TGIF2: variants seen among roughly 807,000 people sequenced by gnomAD.
The protein encoded by TGIF2 is TGFB induced factor homeobox 2.
Under a neutral mutation model 15.1 loss-of-function variants are expected in TGIF2, and 5 were observed. The observed-to-expected ratio is 0.33, with a 90% CI of 0.17 to 0.70. TGIF2 has a LOEUF of 0.70. Among genes scored for constraint, TGIF2 ranks in the 30% least tolerant of loss-of-function variants. TGIF2 has a pLI of 0.67. For synonymous variants in TGIF2, 131 were observed against 128.9 expected, an observed-to-expected ratio of 1.02 and a Z score of -0.11; for missense variants, 264 against 302.5, an observed-to-expected ratio of 0.87 and a Z score of 0.94.
chr20:36,585,147 G>A lies in TGIF2; in HGVS notation c.193-5763G>A, dbSNP rs149017822. Among the ~76,000 whole-genome samples the A allele has an allele frequency of 4.6e-3, 695 of 151,954 alleles. 5 individuals are homozygous for A. The highest frequency in any genetic ancestry group is 0.015 in the African/African-American group (615 of 41,442). ...CTAGGAGGTGGAGATTGCCGTGAGC[G>A]AGATCCTGCCATTGCACTCCAGCCT... is the stretch of plus-strand genomic sequence containing the variant. On this transcript the variant is annotated intron_variant, in intron 2 of 2. Transcript: ENST00000373872.
intron 1 of TGIF2, among the ~76,000 whole-genome samples, chr20:36,575,635 C>G (rs1600766131): frequency 6.6e-6 from 1 of 152,136 alleles, no homozygotes; most frequent in African/African-American, 2.4e-5. Context: ...CCTCGAAAGC[C>G]TGGCCTAGCC....
At chr20:36,586,703 C>CCA (rs1555926543) in intron 2 of TGIF2, among the ~76,000 whole-genome samples, 51 of 131,928 alleles carry the variant, frequency 3.9e-4, no homozygotes, top group South Asian at 1.5e-3. Flanking sequence ...TCCCCCCCCC[C>CCA]AAAAAAAAAA....
rs1311643225 is a variant in TGIF2, at chr20:36,573,635, G to C, written c.-145G>C. 2.6e-5 allele frequency: 4 copies of C among 151,436 alleles called. No individual in the cohort carries two copies. Among genetic ancestry groups the C allele is most frequent in the African/African-American group, 7.3e-5 (3 of 41,254 alleles). The allele number at this position is 151,436 out of a possible 1,614,324, so 9.4% of individuals were successfully genotyped here. On this transcript the variant is annotated 5_prime_UTR_variant, in exon 1 of 3. Coordinates refer to ENST00000373872, the MANE Select transcript of TGIF2 (RefSeq NM_021809.7). The stretch of plus-strand genomic sequence containing the variant: ...CTTTCCAGCCGCGAGCTGTCAGGCC[G>C]AGTGTCAGGCCGGGCAGGTACGCGG...
intron 2 of TGIF2, among the ~76,000 whole-genome samples, chr20:36,584,608 G>A (rs1339269802): frequency 5.3e-5 from 8 of 151,090 alleles, no homozygotes; most frequent in South Asian, 4.2e-4. Flanking sequence ...GTGCAGTGGC[G>A]CAATCTCAGT....
chr20:36,587,045 T>G (rs936147475), intron 2 of TGIF2, among the ~76,000 whole-genome samples: 1 of 152,082 alleles, frequency 6.6e-6, no homozygotes, highest in Admixed American at 6.6e-5. Flanking sequence ...CATCACAGAG[T>G]TCACTTTGAC....
rs898643293 is a variant in TGIF2 at position 36,578,378 on chromosome 20, A to C, written c.-34-363A>C. ...AAGTGAGCCAAGATGGCGCCACTGCACTCTAGCATGGGCTACAGAGTGAGA... is the reference window on the plus strand; with the variant it reads ...AAGTGAGCCAAGATGGCGCCACTGCCCTCTAGCATGGGCTACAGAGTGAGA... On this transcript the variant is annotated intron_variant, in intron 1 of 2. Coordinates refer to ENST00000373872, the MANE Select transcript of TGIF2 (RefSeq NM_021809.7). Among the ~76,000 whole-genome samples the C allele has an allele frequency of 5.3e-5, 8 of 151,358 alleles. No homozygotes were observed. In the East Asian group the frequency reaches 1.4e-3, roughly 26 times the overall value.
At chr20:36,579,214 C>T (rs770435222) in intron 2 of TGIF2, among the ~76,000 whole-genome samples, 3 of 152,226 alleles carry the variant, frequency 2.0e-5, no homozygotes, top group Admixed American at 1.3e-4. Flanking sequence ...CACTGTCACC[C>T]GGGCTGGAGT....
rs573297665 is a variant in TGIF2, at chr20:36,574,393, AGTCT to A, written c.-35+649_-35+652del. On this transcript the variant is annotated intron_variant, in intron 1 of 2. Transcript: ENST00000373872. ...CAAGCCTCCCGCGGGAGAAGCGCGT[AGTCT>A]CCGGGGCAGGGGGCGGCCAACATGG... 1.4e-4 allele frequency among the ~76,000 whole-genome samples: 17 copies of A among 119,730 alleles called. No individual in the cohort carries two copies. In the South Asian group the frequency reaches 4.9e-3, roughly 34 times the overall value. 78.5% of individuals were successfully genotyped at this position (119,730 alleles called of 152,430 possible).
intron 2 of TGIF2, among the ~76,000 whole-genome samples, 167 bp downstream of exon 2, chr20:36,579,133 G>A (rs113776994): frequency 6.6e-6 from 1 of 152,154 alleles, no homozygotes; most frequent in Non-Finnish European, 1.5e-5. Flanking sequence ...CTCAAGGGAA[G>A]ACAATGAAAT....
At chr20:36,577,532 T>C (rs1195070332) in intron 1 of TGIF2, among the ~76,000 whole-genome samples, 8 of 151,292 alleles carry the variant, frequency 5.3e-5, no homozygotes, top group Non-Finnish European at 1.0e-4. Flanking sequence ...TTGTTTTTTT[T>C]TTTTTGAGAT....
chr20:36,579,133 G>T lies in TGIF2; in HGVS notation c.192+167G>T, dbSNP rs113776994. Among the ~76,000 whole-genome samples, 927 of 152,272 alleles carry T rather than the reference G, an allele frequency of 6.1e-3. 10 individuals carry two copies. Among genetic ancestry groups the T allele is most frequent in the African/African-American group, 0.022 (897 of 41,572 alleles). ...ACCCACTCTCCCTGTCTCAAGGGAA[G>T]ACAATGAAATAGGGTCGCTGCAGTC... On this transcript the variant is annotated intron_variant, in intron 2 of 2. Transcript: ENST00000373872.
intron 2 of TGIF2, among the ~76,000 whole-genome samples, chr20:36,584,506 T>C (rs2038612293): frequency 6.6e-6 from 1 of 151,930 alleles, no homozygotes; most frequent in Non-Finnish European, 1.5e-5. Flanking sequence ...TCATGAAAAA[T>C]AGCCTAAAGC....
At chr20:36,589,814 A>C (rs2038733219) in intron 2 of TGIF2, among the ~76,000 whole-genome samples, 1 of 151,932 alleles carries the variant, frequency 6.6e-6, no homozygotes, top group South Asian at 2.1e-4. Context: ...TCAGCCTCGC[A>C]AGTAGCCGAG....
Position 36,591,569 on chromosome 20 carries a change from GA to G in TGIF2, c.*140del. The stretch of plus-strand genomic sequence containing the variant: ...TCCTCTGTCCAGAGGTCTTCAACAG[GA>G]AGATGCCAGCTGGCACCACTGCACT... On this transcript the variant is annotated 3_prime_UTR_variant, in exon 3 of 3. Coordinates refer to ENST00000373872, the MANE Select transcript of TGIF2 (RefSeq NM_021809.7). This position sits in a 1 kb window ranked among gnomAD's most constrained non-coding sequence, Gnocchi z 5.3. The G allele has an allele frequency of 1.0e-6, 1 of 986,012 alleles. No individual in the cohort carries two copies. Among genetic ancestry groups the G allele is most frequent in the East Asian group, 2.4e-5 (1 of 40,852 alleles). 61.1% of individuals were successfully genotyped at this position (986,012 alleles called of 1,614,324 possible).
At chr20:36,575,085 G>A (rs1000817519) in intron 1 of TGIF2, among the ~76,000 whole-genome samples, 1 of 152,128 alleles carries the variant, frequency 6.6e-6, no homozygotes, top group Non-Finnish European at 1.5e-5. Flanking sequence ...TCGTGGGTGG[G>A]CGGGTACAGA....
At chr20:36,590,440 G>C (rs766275180) in intron 2 of TGIF2, among the ~76,000 whole-genome samples, 1 of 152,182 alleles carries the variant, frequency 6.6e-6, no homozygotes, top group Non-Finnish European at 1.5e-5. Flanking sequence ...TTTTAGTAGA[G>C]ACAGGGTTTC....
chr20:36,574,234 C>T (rs1249257614), intron 1 of TGIF2, among the ~76,000 whole-genome samples: 1 of 151,990 alleles, frequency 6.6e-6, no homozygotes, highest in East Asian at 2.0e-4. Context: ...GTTCCCCTTT[C>T]CTTTGGAACA....
At position 36,593,240 on chromosome 20, in the gene TGIF2, C is replaced by T. The variant is rs2038797406; in HGVS notation, c.*1809C>T. 6.7e-6 allele frequency: 1 copy of T among 150,162 alleles called. No homozygotes were observed. The highest frequency in any genetic ancestry group is 2.5e-5 in the African/African-American group (1 of 40,372). 9.3% of individuals were successfully genotyped at this position (150,162 alleles called of 1,614,324 possible). A position where few individuals can be genotyped will look rare whatever the true frequency, so the allele number is the denominator to read the frequency against. On this transcript the variant is annotated 3_prime_UTR_variant, in exon 3 of 3. Transcript: ENST00000373872. ...TTTCCTGAAATCACCAGGTCAGGCA[C>T]AAGGAGAAAAGGTTCCTGGATACTG...
At chr20:36,587,836 G>C (rs1182096545) in intron 2 of TGIF2, among the ~76,000 whole-genome samples, 1 of 152,102 alleles carries the variant, frequency 6.6e-6, no homozygotes, top group Non-Finnish European at 1.5e-5. Flanking sequence ...AGGCTGAGGT[G>C]AGCAGATCAT....
Sources: gnomAD v4.1 joint callset for allele counts (sites outside exome capture counted in the v4.1 genomes callset) on GRCh38, gnomAD v4.1.1 for gene constraint, Gnocchi (gnomAD v3.1) non-coding constraint, MANE v1.5 for transcripts, NCBI Gene and HGNC (gene_info 2026-07-23, HGNC 2026-07-21) for gene names.